WARS2: variants seen among roughly 807,000 people sequenced by gnomAD.
The protein encoded by WARS2 is tryptophanyl tRNA synthetase 2, mitochondrial.
WARS2 carries 28 observed loss-of-function variants against 36.5 expected under a neutral mutation model. That is an observed-to-expected ratio of 0.77 (90% CI 0.57 to 1.05). The LOEUF is 1.05. WARS2 is among the 50% of genes least tolerant of loss of function. The pLI is 0.00. For missense variants in WARS2, 435 were observed against 456.8 expected (o/e 0.95, Z 0.44); for synonymous variants, 174 against 178.4 (o/e 0.98, Z 0.20).
At chr1:119,055,748 A>G (rs910047089) in intron 2 of WARS2, among the ~76,000 whole-genome samples, 3 of 151,560 alleles carry the variant, frequency 2.0e-5, no homozygotes, top group Admixed American at 2.0e-4. Flanking sequence ...GGAGGGAGGG[A>G]GGAAGGAAGG....
rs567077557 is a variant in WARS2 at position 119,047,564 on chromosome 1, T to C, written c.349-1902A>G. ...ATAAAATTAATTCAAATTATCTTCA[T>C]ACAGAAAAAGTAGGTAAAAGGTCAA... On this transcript the variant is annotated intron_variant, in intron 2 of 5. Transcript: ENST00000235521. The C allele has an allele frequency of 2.6e-5, 4 of 152,314 alleles. No individual in the cohort carries two copies. In the South Asian group the frequency reaches 6.2e-4, roughly 24 times the overall value. 9.4% of individuals were successfully genotyped at this position (152,314 alleles called of 1,614,324 possible). A position where few individuals can be genotyped will look rare whatever the true frequency, so the allele number is the denominator to read the frequency against.
chr1:119,136,667 TA>T (rs964370823), intron 1 of WARS2, among the ~76,000 whole-genome samples: 3 of 152,200 alleles, frequency 2.0e-5, no homozygotes, highest in South Asian at 2.1e-4. Context: ...AGAGAAAAGC[TA>T]AAAGTCAGTG....
intron 1 of WARS2, among the ~76,000 whole-genome samples, chr1:119,139,446 G>T (rs1291768081): frequency 6.6e-6 from 1 of 152,134 alleles, no homozygotes; most frequent in African/African-American, 2.4e-5. Flanking sequence ...TGGAACTATA[G>T]ATTTTCCAGA....
At chr1:119,126,525 T>C in intron 1 of WARS2, 1 of 540,454 alleles carries the variant, frequency 1.9e-6, no homozygotes, top group Admixed American at 2.7e-5. Flanking sequence ...TTGCCACTAT[T>C]AAAAGTCTGA....
intron 3 of WARS2, 112 bp downstream of exon 3, chr1:119,045,470 A>G (rs1648714314): frequency 1.2e-6 from 1 of 867,750 alleles, no homozygotes; most frequent in Non-Finnish European, 1.9e-6. Flanking sequence ...TGATGTTCCA[A>G]CCATTAGTGA....
chr1:119,073,101 T>G (rs1019294291), intron 2 of WARS2, among the ~76,000 whole-genome samples: 1 of 150,284 alleles, frequency 6.7e-6, no homozygotes, highest in South Asian at 2.1e-4. Context: ...TGAGCTATGA[T>G]CACACTACTG....
At chr1:119,081,623 T>C (rs2101350962) in intron 1 of WARS2, among the ~76,000 whole-genome samples, 1 of 152,322 alleles carries the variant, frequency 6.6e-6, no homozygotes, top group South Asian at 2.1e-4. Flanking sequence ...TGAAAATCTC[T>C]TTCTATAAGT....
At chr1:119,080,701 A>G (rs1571329549) in intron 1 of WARS2, among the ~76,000 whole-genome samples, 1 of 152,118 alleles carries the variant, frequency 6.6e-6, no homozygotes, top group Non-Finnish European at 1.5e-5. Context: ...ATGGCAGGGG[A>G]GACATGCCAG....
At chr1:119,117,410 A>G (rs1197036128) in intron 1 of WARS2, among the ~76,000 whole-genome samples, 1 of 152,138 alleles carries the variant, frequency 6.6e-6, no homozygotes, top group African/African-American at 2.4e-5. Flanking sequence ...TCACCTGAGA[A>G]ACCTGAGTAC....
intron 2 of WARS2, among the ~76,000 whole-genome samples, chr1:119,047,742 A>G (rs2101138834): frequency 6.6e-6 from 1 of 152,330 alleles, no homozygotes; most frequent in South Asian, 2.1e-4. Context: ...TGGTATCTAA[A>G]TATAATATTT....
At chr1:119,073,496 ATT>A (rs1651489335) in intron 2 of WARS2, among the ~76,000 whole-genome samples, 1 of 152,178 alleles carries the variant, frequency 6.6e-6, no homozygotes, top group South Asian at 2.1e-4. Flanking sequence ...CCTCCCTTAA[ATT>A]TTGCTGGCAA....
chr1:119,133,553 T>C (rs906876368), intron 1 of WARS2, among the ~76,000 whole-genome samples: 1 of 152,210 alleles, frequency 6.6e-6, no homozygotes, highest in South Asian at 2.1e-4. Flanking sequence ...ATAGGGCTAA[T>C]AGCACCTACC....
chr1:119,122,223 G>T (rs1655370148), intron 1 of WARS2, among the ~76,000 whole-genome samples: 1 of 152,134 alleles, frequency 6.6e-6, no homozygotes, highest in Non-Finnish European at 1.5e-5. Context: ...CCATCAAAAA[G>T]TGGGCTAAGG....
intron 4 of WARS2, among the ~76,000 whole-genome samples, chr1:119,036,618 A>ATACACTTT (rs780635618): frequency 6.6e-6 from 1 of 152,210 alleles, no homozygotes; most frequent in Non-Finnish European, 1.5e-5. Context: ...ACCATAATCA[A>ATACACTTT]TACACTTTAA....
At chr1:119,046,388 G>T (rs1022323192) in intron 2 of WARS2, among the ~76,000 whole-genome samples, 1 of 137,776 alleles carries the variant, frequency 7.3e-6, no homozygotes, top group Non-Finnish European at 1.5e-5. Context: ...TCACTCTGTC[G>T]CCCAGGCTGC....
At chr1:119,088,435 A>AACACACACACAC (rs113752727) in intron 1 of WARS2, among the ~76,000 whole-genome samples, 1,670 of 149,134 alleles carry the variant, frequency 0.011, 10 homozygotes, top group Middle Eastern at 0.028. Context: ...GAAACACTGA[A>AACACACACACAC]ACACACACAC....
intron 1 of WARS2, among the ~76,000 whole-genome samples, chr1:119,110,795 T>C (rs1021586883): frequency 2.0e-5 from 3 of 152,160 alleles, no homozygotes; most frequent in African/African-American, 4.8e-5. Context: ...GTAACTTTTA[T>C]AGTTGTCCTA....
intron 4 of WARS2, among the ~76,000 whole-genome samples, chr1:119,041,365 G>C (rs1571260002): frequency 6.6e-6 from 1 of 152,148 alleles, no homozygotes; most frequent in African/African-American, 2.4e-5. Flanking sequence ...AATTGAGAGG[G>C]GGATGAAATC....
intron 1 of WARS2, among the ~76,000 whole-genome samples, chr1:119,078,565 C>T (rs995657230): frequency 1.3e-5 from 2 of 152,100 alleles, no homozygotes; most frequent in African/African-American, 4.8e-5. Context: ...TGGTTTAACT[C>T]TCTTTGATTA....
Sources: allele counts gnomAD v4.1 joint callset (sites outside exome capture counted in the v4.1 genomes callset), GRCh38; gene constraint gnomAD v4.1.1; transcripts MANE v1.5; gene names NCBI Gene and HGNC (gene_info 2026-07-23, HGNC 2026-07-21).